The following FAM107B variants were observed in gnomAD, a reference collection of about 807,000 sequenced individuals.
FAM107B encodes family with sequence similarity 107 member B.
FAM107B carries 21 observed loss-of-function variants against 31.5 expected under a neutral mutation model. The ratio of observed to expected loss-of-function variants is 0.67; its 90% CI spans 0.47 to 0.96. The LOEUF is 0.96. Among genes scored for constraint, FAM107B ranks in the 40% least tolerant of loss-of-function variants. FAM107B has a pLI of 0.00. For synonymous variants in FAM107B, 157 were observed against 141.5 expected, an observed-to-expected ratio of 1.11 and a Z score of -0.78; for missense variants, 452 against 377.1, an observed-to-expected ratio of 1.20 and a Z score of -1.64.
intron 1 of FAM107B, among the ~76,000 whole-genome samples, chr10:14,669,728 T>C (rs547658718): frequency 6.6e-6 from 1 of 152,188 alleles, no homozygotes; most frequent in Non-Finnish European, 1.5e-5. Flanking sequence ...ACTAAAAACA[T>C]TGGTCTCATG....
At chr10:14,629,411 TATATATA>T (rs1853275327) in intron 2 of FAM107B, among the ~76,000 whole-genome samples, 5 of 874 alleles carry the variant, frequency 5.7e-3, no homozygotes, top group Admixed American at 0.029. Flanking sequence ...ATATATTTAA[TATATATA>T]ATATATATAA....
chr10:14,695,186 C>T (rs2768736), intron 1 of FAM107B, among the ~76,000 whole-genome samples: 4,145 of 152,188 alleles, frequency 0.027, 182 homozygotes, highest in African/African-American at 0.094. Context: ...GTACATTGTA[C>T]GATAAGGGTA....
chr10:14,530,947 T>C (rs528444727), intron 2 of FAM107B, among the ~76,000 whole-genome samples: 3 of 152,326 alleles, frequency 2.0e-5, no homozygotes, highest in African/African-American at 4.8e-5. Context: ...GCCTATAAAC[T>C]AAAGCTGGCC....
chr10:14,693,257 C>G (rs1855186797), intron 1 of FAM107B, among the ~76,000 whole-genome samples: 1 of 152,166 alleles, frequency 6.6e-6, no homozygotes, highest in African/African-American at 2.4e-5. Flanking sequence ...GGGTGGATCT[C>G]CTGAGGTCAG....
At chr10:14,585,832 G>A (rs944245304) in intron 2 of FAM107B, among the ~76,000 whole-genome samples, 3 of 152,156 alleles carry the variant, frequency 2.0e-5, no homozygotes. Flanking sequence ...CTCGTGAGTA[G>A]GGTGACCATA....
At chr10:14,551,086 G>A (rs1849219881) in intron 2 of FAM107B, among the ~76,000 whole-genome samples, 1 of 152,226 alleles carries the variant, frequency 6.6e-6, no homozygotes, top group Non-Finnish European at 1.5e-5. Context: ...CAAAGGCCAT[G>A]AAAAATGAGA....
intron 2 of FAM107B, among the ~76,000 whole-genome samples, chr10:14,547,534 T>C (rs1848813007): frequency 6.6e-6 from 1 of 152,170 alleles, no homozygotes; most frequent in African/African-American, 2.4e-5. Flanking sequence ...TCAAAGCTTT[T>C]CCAATTTTAG....
At chr10:14,686,535 G>GT (rs1176788223) in intron 1 of FAM107B, among the ~76,000 whole-genome samples, 1 of 152,164 alleles carries the variant, frequency 6.6e-6, no homozygotes, top group Non-Finnish European at 1.5e-5. Flanking sequence ...AGAAGTCACG[G>GT]CCCTAGGCAG....
At chr10:14,686,771 C>A (rs532392043) in intron 1 of FAM107B, among the ~76,000 whole-genome samples, 1 of 152,262 alleles carries the variant, frequency 6.6e-6, no homozygotes, top group East Asian at 1.9e-4. Flanking sequence ...CTGAATTCAT[C>A]CTGAGAAGAA....
intron 2 of FAM107B, among the ~76,000 whole-genome samples, chr10:14,637,454 G>C (rs72768975): frequency 6.6e-6 from 1 of 152,108 alleles, no homozygotes; most frequent in Non-Finnish European, 1.5e-5. Flanking sequence ...GGGCAATATG[G>C]CAAAACTTAT....
At chr10:14,707,075 G>A (rs950105294) in intron 1 of FAM107B, among the ~76,000 whole-genome samples, 10 of 152,062 alleles carry the variant, frequency 6.6e-5, no homozygotes, top group Admixed American at 1.3e-4. Flanking sequence ...GCAGTGAGCC[G>A]AGATCGTGCC....
intron 2 of FAM107B, among the ~76,000 whole-genome samples, chr10:14,570,340 G>A (rs1235467926): frequency 6.6e-6 from 1 of 151,946 alleles, no homozygotes; most frequent in East Asian, 1.9e-4. Flanking sequence ...AGGGCAGGGT[G>A]GTTACACAGT....
At chr10:14,603,450 G>A (rs943042690) in intron 2 of FAM107B, among the ~76,000 whole-genome samples, 1 of 152,178 alleles carries the variant, frequency 6.6e-6, no homozygotes, top group Non-Finnish European at 1.5e-5. Context: ...TTGGGAGGGA[G>A]GAAGGAAGCA....
intron 1 of FAM107B, among the ~76,000 whole-genome samples, chr10:14,688,449 G>GCATGCATACACACA (rs1268049565): frequency 4.6e-5 from 7 of 152,138 alleles, no homozygotes; most frequent in East Asian, 1.9e-4. Flanking sequence ...ACACACACAG[G>GCATGCATACACACA]CATGCATACA....
intron 2 of FAM107B, among the ~76,000 whole-genome samples, chr10:14,630,235 A>C (rs1853318628): frequency 6.6e-6 from 1 of 150,916 alleles, no homozygotes; most frequent in Admixed American, 6.6e-5. Context: ...CAACATTAAG[A>C]CATGCTTATG....
intron 4 of FAM107B, among the ~76,000 whole-genome samples, 171 bp from the exon 5 acceptor site, chr10:14,521,477 A>G (rs1483580450): frequency 6.6e-6 from 1 of 152,218 alleles, no homozygotes; most frequent in East Asian, 1.9e-4. Context: ...TTGTGCACAG[A>G]AACAGAAGCC....
chr10:14,555,634 T>C (rs1387777539), intron 2 of FAM107B, among the ~76,000 whole-genome samples: 2 of 152,170 alleles, frequency 1.3e-5, no homozygotes, highest in Admixed American at 6.5e-5. Context: ...CTTGGAAAAA[T>C]TGGGCATTAT....
intron 2 of FAM107B, among the ~76,000 whole-genome samples, chr10:14,607,808 C>T (rs537836392): frequency 1.3e-5 from 2 of 152,338 alleles, no homozygotes; most frequent in South Asian, 4.1e-4. Flanking sequence ...AGGGAACACT[C>T]CGCTGAATGG....
At chr10:14,590,989 CAAAAAAAAAA>C (rs35000609) in intron 2 of FAM107B, among the ~76,000 whole-genome samples, 1 of 67,020 alleles carries the variant, frequency 1.5e-5, no homozygotes, top group Non-Finnish European at 2.8e-5. Context: ...AACTCCATCT[CAAAAAAAAAA>C]AAAAAAAAAA....
Sources: allele counts gnomAD v4.1 joint callset (sites outside exome capture counted in the v4.1 genomes callset), GRCh38; gene constraint gnomAD v4.1.1; transcripts MANE v1.5; gene names NCBI Gene and HGNC (gene_info 2026-07-23, HGNC 2026-07-21).